Variants in PCDH7 observed in about 807,000 individuals in gnomAD.
The protein encoded by PCDH7 is protocadherin-7.
PCDH7 carries 17 observed loss-of-function variants against 58.9 expected under a neutral mutation model. The ratio of observed to expected loss-of-function variants is 0.29; its 90% CI spans 0.20 to 0.43. PCDH7 has a LOEUF of 0.43. Among genes scored for constraint, PCDH7 ranks in the 20% least tolerant of loss-of-function variants. The probability of loss-of-function intolerance (pLI) is 1.00; values close to 1 mark genes in which losing one functional copy is unlikely to be tolerated. For synonymous variants in PCDH7, 664 were observed against 616.4 expected (o/e 1.08, Z -1.14); for missense variants, 1,274 against 1,441.0 (o/e 0.88, Z 1.88).
At position 31,034,367 on chromosome 4, in the gene PCDH7, A is replaced by T. The variant is rs540105688; in HGVS notation, c.*7+84152A>T. On this transcript the variant is annotated intron_variant, in intron 3 of 3. Transcript: ENST00000509759. ...AGTTACCTAATTTTAAAAGGAAATG[A>T]TTGTTCATTATTAGTAATATACTTT... is the stretch of plus-strand genomic sequence containing the variant. Among the ~76,000 whole-genome samples the T allele has an allele frequency of 1.2e-4, 18 of 152,314 alleles. No individual in the cohort carries two copies. In the East Asian group the frequency reaches 2.9e-3, roughly 24 times the overall value.
chr4:31,092,169 C>A (rs1476826278), intron 3 of PCDH7, among the ~76,000 whole-genome samples: 5 of 151,924 alleles, frequency 3.3e-5, no homozygotes, highest in African/African-American at 1.2e-4. Flanking sequence ...TCTATATATA[C>A]ATAGTCTAAA....
intron 2 of PCDH7, among the ~76,000 whole-genome samples, chr4:30,947,339 C>G: frequency 6.6e-6 from 1 of 152,202 alleles, no homozygotes; most frequent in East Asian, 1.9e-4. Context: ...TTAATAATAA[C>G]CACAAACTGT....
chr4:31,022,524 T>C (rs2109171501), intron 3 of PCDH7, among the ~76,000 whole-genome samples: 1 of 152,312 alleles, frequency 6.6e-6, no homozygotes, highest in South Asian at 2.1e-4. Context: ...ACATTTCTTA[T>C]ATGTTTATTT....
At chr4:30,902,018 C>T (rs1740284633) in intron 1 of PCDH7, among the ~76,000 whole-genome samples, 1 of 152,134 alleles carries the variant, frequency 6.6e-6, no homozygotes, top group Admixed American at 6.5e-5. Context: ...AAGTTTCCTC[C>T]ACGGGCATTG....
chr4:30,830,547 G>T (rs1378779756), intron 1 of PCDH7, among the ~76,000 whole-genome samples: 1 of 151,756 alleles, frequency 6.6e-6, no homozygotes, highest in Non-Finnish European at 1.5e-5. Context: ...TTCCTTCCGT[G>T]TCTGGCTCTC....
At chr4:30,729,390 A>G (rs1715140682) in intron 1 of PCDH7, among the ~76,000 whole-genome samples, 1 of 151,956 alleles carries the variant, frequency 6.6e-6, no homozygotes, top group Admixed American at 6.6e-5. Context: ...CTTCTGTGTA[A>G]AATTATCTGG....
intron 3 of PCDH7, among the ~76,000 whole-genome samples, chr4:30,975,143 T>TTGTGTGTG (rs35675648): frequency 0.036 from 5,046 of 138,742 alleles, 119 homozygotes; most frequent in Non-Finnish European, 0.047. Context: ...TTCCCTTTCA[T>TTGTGTGTG]TGTGTGTGTG....
rs141455084 is a variant in PCDH7 at position 30,742,263 on chromosome 4, G to C, written c.70+17667G>C. Among the ~76,000 whole-genome samples the C allele has an allele frequency of 3.8e-3, 579 of 152,202 alleles. 16 individuals carry two copies. Among genetic ancestry groups the C allele is most frequent in the Admixed American group, 0.026 (397 of 15,292 alleles). ...AATAATCATGTAACTGCACTGCTTA[G>C]CCAGACAAATAGTTTAATGAAGAAT... On this transcript the variant is annotated intron_variant, in intron 1 of 3. Coordinates refer to the PCDH7 transcript ENST00000509759.
At chr4:31,111,799 G>T (rs1351599756) in intron 3 of PCDH7, among the ~76,000 whole-genome samples, 2 of 152,120 alleles carry the variant, frequency 1.3e-5, no homozygotes, top group African/African-American at 2.4e-5. Flanking sequence ...AAGAATTATA[G>T]TTTTTACATT....
At chr4:31,056,664 A>T (rs1757282500) in intron 3 of PCDH7, among the ~76,000 whole-genome samples, 3 of 145,480 alleles carry the variant, frequency 2.1e-5, no homozygotes, top group African/African-American at 7.5e-5. Context: ...GAGAGAGGAG[A>T]GAGAGAAAGA....
At chr4:30,945,507 G>T (rs1424163887) in intron 2 of PCDH7, among the ~76,000 whole-genome samples, 1 of 151,842 alleles carries the variant, frequency 6.6e-6, no homozygotes, top group African/African-American at 2.4e-5. Context: ...GCTGTATATA[G>T]AATTCATAAT....
chr4:31,050,600 T>C (rs1756657597), intron 3 of PCDH7, among the ~76,000 whole-genome samples: 1 of 152,116 alleles, frequency 6.6e-6, no homozygotes, highest in African/African-American at 2.4e-5. Flanking sequence ...ATGACAATAA[T>C]GTGATGTAAA....
At chr4:30,730,222 A>G (rs1715284212) in intron 1 of PCDH7, among the ~76,000 whole-genome samples, 1 of 152,030 alleles carries the variant, frequency 6.6e-6, no homozygotes, top group Non-Finnish European at 1.5e-5. Flanking sequence ...TTTCCCATTC[A>G]TTTATTTACT....
intron 3 of PCDH7, among the ~76,000 whole-genome samples, chr4:30,952,824 T>C (rs1253529061): frequency 1.3e-5 from 2 of 152,158 alleles, no homozygotes; most frequent in Non-Finnish European, 2.9e-5. Context: ...GCTATGCATT[T>C]AGAACTAAAA....
intron 3 of PCDH7, among the ~76,000 whole-genome samples, chr4:30,953,892 A>T (rs1747595951): frequency 1.3e-5 from 2 of 152,148 alleles, no homozygotes; most frequent in African/African-American, 4.8e-5. Flanking sequence ...AAGCACAACA[A>T]AACAAAAATT....
chr4:31,013,668 G>T (rs186246012), intron 3 of PCDH7, among the ~76,000 whole-genome samples: 2 of 151,786 alleles, frequency 1.3e-5, no homozygotes, highest in East Asian at 3.9e-4. Flanking sequence ...TAATGAATGT[G>T]CATAAAGAGC....
At chr4:30,973,546 C>CA in intron 3 of PCDH7, among the ~76,000 whole-genome samples, 1 of 151,950 alleles carries the variant, frequency 6.6e-6, no homozygotes, top group Non-Finnish European at 1.5e-5. Context: ...AGGAAGGGGA[C>CA]AAAAGCCAAG....
chr4:30,786,141 C>T (rs576622013), intron 1 of PCDH7, among the ~76,000 whole-genome samples: 2 of 152,074 alleles, frequency 1.3e-5, no homozygotes, highest in South Asian at 2.1e-4. Context: ...TGAAAAGGGG[C>T]GTAATTCATC....
At chr4:30,785,171 C>T (rs1009939631) in intron 1 of PCDH7, among the ~76,000 whole-genome samples, 4 of 151,850 alleles carry the variant, frequency 2.6e-5, no homozygotes, top group African/African-American at 9.7e-5. Flanking sequence ...GGAATCATAC[C>T]ATATATAAGA....
Sources: allele counts gnomAD v4.1 joint callset (sites outside exome capture counted in the v4.1 genomes callset), GRCh38; gene constraint gnomAD v4.1.1; transcripts MANE v1.5; gene names NCBI Gene and HGNC (gene_info 2026-07-23, HGNC 2026-07-21).